Variants in ATP10B observed in about 807,000 individuals in gnomAD.
ATP10B encodes phospholipid-transporting ATPase VB.
A neutral mutation model predicts 141.2 loss-of-function variants in ATP10B; 122 were observed. The observed-to-expected ratio is 0.86, with a 90% confidence interval of 0.75 to 1.00. ATP10B has a LOEUF of 1.00. Among genes scored for constraint, ATP10B ranks in the 50% least tolerant of loss-of-function variants. ATP10B has a pLI of 0.00. For synonymous variants in ATP10B, 685 were observed against 692.0 expected (o/e 0.99, Z 0.16); for missense variants, 1,876 against 1,825.3 (o/e 1.03, Z -0.51).
At chr5:160,774,154 C>T (rs975153250) in intron 2 of ATP10B, among the ~76,000 whole-genome samples, 7 of 149,710 alleles carry the variant, frequency 4.7e-5, no homozygotes, top group African/African-American at 1.7e-4. Context: ...CAGTGTAACC[C>T]CAGGAGGTGG....
chr5:160,892,366 T>A, the ATP10B span, among the ~76,000 whole-genome samples: 1 of 152,238 alleles, frequency 6.6e-6, no homozygotes, highest in East Asian at 1.9e-4. Flanking sequence ...ATGAACGGCC[T>A]TGAACTATGT....
At chr5:160,642,016 C>G (rs1759904326) in intron 9 of ATP10B, among the ~76,000 whole-genome samples, 1 of 152,178 alleles carries the variant, frequency 6.6e-6, no homozygotes, top group Non-Finnish European at 1.5e-5. Flanking sequence ...CCCCTTCACC[C>G]ACCTGATCCT....
At chr5:160,666,095 ATATAGTAAAAAGTACCTAGATGGTAGT>A (rs1367029151) in intron 7 of ATP10B, among the ~76,000 whole-genome samples, 1 of 152,152 alleles carries the variant, frequency 6.6e-6, no homozygotes, top group African/African-American at 2.4e-5. Flanking sequence ...AAGAACTAGT[ATATAGTAAAAAGTACCTAGATGGTAGT>A]TTTCTCCCCA....
At chr5:160,643,069 G>T (rs533487293) in intron 9 of ATP10B, among the ~76,000 whole-genome samples, 10 of 152,226 alleles carry the variant, frequency 6.6e-5, no homozygotes, top group African/African-American at 2.4e-4. Context: ...ACCAGATGGT[G>T]TTGAACTCCA....
chr5:160,766,652 G>A (rs557440660), intron 2 of ATP10B, among the ~76,000 whole-genome samples: 11 of 152,130 alleles, frequency 7.2e-5, no homozygotes, highest in East Asian at 1.9e-4. Context: ...TACACTGCTC[G>A]GGTGATGGGT....
intron 2 of ATP10B, among the ~76,000 whole-genome samples, chr5:160,767,998 A>C (rs1283696606): frequency 6.6e-6 from 1 of 151,972 alleles, no homozygotes; most frequent in African/African-American, 2.4e-5. Context: ...TCAGTCTTTC[A>C]GGTTTTCTTC....
At chr5:160,757,162 C>T (rs1314348697) in intron 2 of ATP10B, among the ~76,000 whole-genome samples, 1 of 152,124 alleles carries the variant, frequency 6.6e-6, no homozygotes, top group Non-Finnish European at 1.5e-5. Flanking sequence ...TTACATATGA[C>T]TATTCAATTG....
At chr5:160,612,998 T>C (rs1245598111) in intron 17 of ATP10B, 73 bp from the exon 18 acceptor site, 1 of 1,433,146 alleles carries the variant, frequency 7.0e-7, no homozygotes, top group Non-Finnish European at 9.4e-7. Context: ...CAAAGCCATG[T>C]GAAGCCAGGC....
intron 6 of ATP10B, among the ~76,000 whole-genome samples, chr5:160,678,172 T>C (rs1409516761): frequency 6.6e-6 from 1 of 152,216 alleles, no homozygotes; most frequent in African/African-American, 2.4e-5. Flanking sequence ...GCGCAAAGCA[T>C]AGATTTTGCT....
intron 15 of ATP10B, 152 bp from the exon 16 acceptor site, chr5:160,618,125 G>A: frequency 1.5e-6 from 1 of 659,582 alleles, no homozygotes; most frequent in Non-Finnish European, 2.7e-6. Context: ...AGCTCTCCTG[G>A]CTGTCAGGTT....
At chr5:160,773,575 C>T (rs1214986588) in intron 2 of ATP10B, among the ~76,000 whole-genome samples, 1 of 152,146 alleles carries the variant, frequency 6.6e-6, no homozygotes, top group Non-Finnish European at 1.5e-5. Context: ...TCCAGAGCGG[C>T]TAATAGCTGA....
Position 160,735,096 on chromosome 5 carries a change from TA to T in ATP10B, c.-330-18063del, listed in dbSNP as rs749051676. ...AAGAAAGAAAGTAGGAAGAGAAGAT[TA>T]AAAAAAAAAAAAACACCGGAAAACA... On this transcript the variant is annotated intron_variant, in intron 2 of 25. Transcript: ENST00000327245. 3.1e-3 allele frequency among the ~76,000 whole-genome samples: 401 copies of T among 128,338 alleles called. 4 individuals carry two copies. Among genetic ancestry groups the T allele is most frequent in the East Asian group, 0.022 (97 of 4,424 alleles). 84.2% of individuals were successfully genotyped at this position (128,338 alleles called of 152,430 possible).
At chr5:160,917,568 G>A in the ATP10B span, among the ~76,000 whole-genome samples, 1 of 152,144 alleles carries the variant, frequency 6.6e-6, no homozygotes, top group Non-Finnish European at 1.5e-5. Context: ...GGATTATAAT[G>A]GGGGTGAGGG....
At chr5:160,879,949 A>T in the ATP10B span, among the ~76,000 whole-genome samples, 1,066 of 151,914 alleles carry the variant, frequency 7.0e-3, 16 homozygotes, top group African/African-American at 0.024. Flanking sequence ...GTATATACCA[A>T]CAATAGTCAA....
chr5:160,810,229 T>C (rs1334657224), intron 1 of ATP10B, among the ~76,000 whole-genome samples: 1 of 152,134 alleles, frequency 6.6e-6, no homozygotes, highest in Non-Finnish European at 1.5e-5. Flanking sequence ...AATTATGTCA[T>C]CTTCTTTCAT....
chr5:160,924,558 G>A, the ATP10B span, among the ~76,000 whole-genome samples: 2 of 152,116 alleles, frequency 1.3e-5, no homozygotes, highest in Non-Finnish European at 2.9e-5. Flanking sequence ...CTGCTTTATC[G>A]GGGTCATGGT....
chr5:160,812,183 G>A (rs1401015657), intron 1 of ATP10B, among the ~76,000 whole-genome samples: 5 of 152,158 alleles, frequency 3.3e-5, no homozygotes, highest in Admixed American at 1.3e-4. Context: ...ACCTCTACAA[G>A]TCTGTAAGAA....
chr5:160,585,188 G>A lies in ATP10B; in HGVS notation c.3750+4404C>T, dbSNP rs115047170. On this transcript the variant is annotated intron_variant, in intron 24 of 25. Coordinates refer to ENST00000327245, the MANE Select transcript of ATP10B (RefSeq NM_025153.3). Reference sequence around the variant, plus strand: ...ATTTTTCATATTTGTGTATCATTCTGGATAAGCTCCCAAAACTACATTTCA... The same window carrying A: ...ATTTTTCATATTTGTGTATCATTCTAGATAAGCTCCCAAAACTACATTTCA... Among the ~76,000 whole-genome samples the A allele has an allele frequency of 9.7e-3, 1,470 of 152,188 alleles. 27 individuals carry two copies. Among genetic ancestry groups the A allele is most frequent in the African/African-American group, 0.031 (1,284 of 41,516 alleles).
At chr5:160,780,917 A>G (rs1256605019) in intron 2 of ATP10B, among the ~76,000 whole-genome samples, 1 of 152,168 alleles carries the variant, frequency 6.6e-6, no homozygotes, top group Non-Finnish European at 1.5e-5. Flanking sequence ...ATTTTGAACA[A>G]ATGAAGGAAT....
Sources: gnomAD v4.1 joint callset for allele counts (sites outside exome capture counted in the v4.1 genomes callset) on GRCh38, gnomAD v4.1.1 for gene constraint, MANE v1.5 for transcripts, NCBI Gene and HGNC (gene_info 2026-07-23, HGNC 2026-07-21) for gene names.